The following HMGA2 variants were observed in gnomAD, a reference collection of about 807,000 sequenced individuals.
HMGA2 encodes high mobility group protein HMGI-C.
Under a neutral mutation model 19.1 loss-of-function variants are expected in HMGA2, and 8 were observed. The ratio of observed to expected loss-of-function variants is 0.42; its 90% CI spans 0.25 to 0.76. The LOEUF (loss-of-function observed/expected upper bound fraction) is 0.76, where lower values mean the gene tolerates loss of function less well. HMGA2 is among the 30% of genes least tolerant of loss of function. HMGA2 has a pLI of 0.28. For synonymous variants in HMGA2, 60 were observed against 48.8 expected (o/e 1.23, Z -0.96); for missense variants, 109 against 136.3 (o/e 0.80, Z 1.00).
At chr12:65,875,469 G>A (rs1019335714) in intron 3 of HMGA2, among the ~76,000 whole-genome samples, 1 of 151,992 alleles carries the variant, frequency 6.6e-6, no homozygotes, top group African/African-American at 2.4e-5. Flanking sequence ...TGTTGCCCAG[G>A]CTGGAGTGCA....
rs1873489702 is a variant in HMGA2 at position 65,882,864 on chromosome 12, C to CAT, written c.249+44295_249+44296insAT. 2.0e-5 allele frequency among the ~76,000 whole-genome samples: 3 copies of CAT among 152,124 alleles called. No individual in the cohort carries two copies. In the South Asian group the frequency reaches 6.2e-4, roughly 32 times the overall value. On this transcript the variant is annotated intron_variant, in intron 3 of 4. Coordinates refer to ENST00000403681, the MANE Select transcript of HMGA2 (RefSeq NM_003483.6). ...TAGGGAAATATTTTTTAAAACAAGG[C>CAT]TGCTTTTCACAAGGAGGGGTAGGCA... is the stretch of plus-strand genomic sequence containing the variant.
At chr12:65,908,064 T>C (rs1416487521) in intron 3 of HMGA2, among the ~76,000 whole-genome samples, 1 of 152,196 alleles carries the variant, frequency 6.6e-6, no homozygotes, top group African/African-American at 2.4e-5. Flanking sequence ...CCACACACTC[T>C]TTGTGGAGAA....
intron 3 of HMGA2, chr12:65,882,139 C>A: frequency 7.0e-6 from 3 of 427,648 alleles, no homozygotes; most frequent in African/African-American, 2.0e-5. Flanking sequence ...AATGACAGAG[C>A]TGGGCAGGCG....
chr12:65,964,955 A>G lies in HMGA2; in HGVS notation c.*1663A>G, dbSNP rs1876865387. 1 of 188,320 alleles carries G rather than the reference A, an allele frequency of 5.3e-6. No homozygotes were observed. Among genetic ancestry groups the G allele is most frequent in the Non-Finnish European group, 1.1e-5 (1 of 89,214 alleles). The allele number at this position is 188,320 out of a possible 1,614,324, so 11.7% of individuals were successfully genotyped here. A position where few individuals can be genotyped will look rare whatever the true frequency, so the allele number is the denominator to read the frequency against. On this transcript the variant is annotated 3_prime_UTR_variant, in exon 5 of 5. Transcript: ENST00000403681. The stretch of plus-strand genomic sequence containing the variant: ...AAGGAGATGGACTAATTGACTTGCA[A>G]AGACCTACCTCCAGACTTCAAAAGG...
chr12:65,852,982 A>C (rs1014019274), intron 3 of HMGA2, among the ~76,000 whole-genome samples: 4 of 152,176 alleles, frequency 2.6e-5, no homozygotes, highest in African/African-American at 7.2e-5. Flanking sequence ...AATGAGAAGG[A>C]AACTTTGGGA....
intron 3 of HMGA2, among the ~76,000 whole-genome samples, chr12:65,852,245 C>G (rs972355247): frequency 6.6e-6 from 1 of 152,188 alleles, no homozygotes; most frequent in Non-Finnish European, 1.5e-5. Context: ...GCCTACAATC[C>G]CAGCACCTGG....
At chr12:65,862,597 G>A (rs894047316) in intron 3 of HMGA2, among the ~76,000 whole-genome samples, 6 of 152,210 alleles carry the variant, frequency 3.9e-5, no homozygotes, top group Non-Finnish European at 7.3e-5. Flanking sequence ...TTAAAAAAGT[G>A]TTAAGCATCA....
intron 4 of HMGA2, chr12:65,953,301 TATGGGAC>T (rs1359985983): frequency 6.6e-6 from 1 of 152,188 alleles, no homozygotes; most frequent in African/African-American, 2.4e-5. Flanking sequence ...TGTCAATGTG[TATGGGAC>T]ACACGGGGGA....
At chr12:65,903,888 C>G (rs993494091) in intron 3 of HMGA2, among the ~76,000 whole-genome samples, 5 of 152,178 alleles carry the variant, frequency 3.3e-5, no homozygotes, top group Non-Finnish European at 5.9e-5. Flanking sequence ...GAAATAAGAC[C>G]CAACACTGGC....
At chr12:65,948,735 T>TC in intron 3 of HMGA2, among the ~76,000 whole-genome samples, 1 of 152,202 alleles carries the variant, frequency 6.6e-6, no homozygotes, top group Admixed American at 6.5e-5. Flanking sequence ...CTGGTAGAAG[T>TC]TCCGTGACAC....
At chr12:65,889,382 C>T (rs1380157181) in intron 3 of HMGA2, among the ~76,000 whole-genome samples, 2 of 152,166 alleles carry the variant, frequency 1.3e-5, no homozygotes, top group African/African-American at 4.8e-5. Context: ...ATCAGGAATG[C>T]TTAGATGTAG....
At chr12:65,849,930 G>A (rs886393964) in intron 3 of HMGA2, among the ~76,000 whole-genome samples, 2 of 152,038 alleles carry the variant, frequency 1.3e-5, no homozygotes, top group African/African-American at 4.8e-5. Flanking sequence ...TGTTGGCCAG[G>A]CTGGTCTCAA....
intron 2 of HMGA2, among the ~76,000 whole-genome samples, chr12:65,829,644 C>T (rs975445350): frequency 1.3e-5 from 2 of 151,976 alleles, no homozygotes; most frequent in African/African-American, 4.8e-5. Context: ...CTTTAAATTT[C>T]ACCATAAATA....
At chr12:65,843,579 T>C (rs777512957) in intron 3 of HMGA2, 3 of 176,916 alleles carry the variant, frequency 1.7e-5, no homozygotes, top group Non-Finnish European at 3.6e-5. Flanking sequence ...CATTAATGCA[T>C]TGAAGAACCC....
intron 3 of HMGA2, among the ~76,000 whole-genome samples, chr12:65,911,579 G>A (rs996290515): frequency 2.0e-5 from 3 of 152,088 alleles, no homozygotes; most frequent in Non-Finnish European, 4.4e-5. Context: ...GCTCTAAGTT[G>A]TCCATTCCTT....
At chr12:65,955,108 T>G (rs1308077538) in intron 4 of HMGA2, 1 of 152,076 alleles carries the variant, frequency 6.6e-6, no homozygotes, top group Admixed American at 6.6e-5. Context: ...TTGAACCTGG[T>G]TGGCGGGGGA....
chr12:65,828,316 C>G (rs2120827717), intron 2 of HMGA2: 1 of 343,638 alleles, frequency 2.9e-6, no homozygotes, highest in South Asian at 2.9e-5. Flanking sequence ...TTTAAACAAA[C>G]AGCCACCAAA....
chr12:65,836,132 G>C (rs1340681377), intron 2 of HMGA2, among the ~76,000 whole-genome samples: 1 of 152,064 alleles, frequency 6.6e-6, no homozygotes, highest in Non-Finnish European at 1.5e-5. Context: ...GGCAGAGGCG[G>C]GCGGATTACG....
rs1300019895 is a variant in HMGA2 at position 65,825,949 on chromosome 12, C to G, written c.111+568C>G. 1.3e-5 allele frequency: 2 copies of G among 152,052 alleles called. No individual in the cohort carries two copies. Among genetic ancestry groups the G allele is most frequent in the Non-Finnish European group, 2.9e-5 (2 of 68,006 alleles). The allele number at this position is 152,052 out of a possible 1,614,324, so 9.4% of individuals were successfully genotyped here. A position where few individuals can be genotyped will look rare whatever the true frequency, so the allele number is the denominator to read the frequency against. On this transcript the variant is annotated intron_variant, in intron 1 of 4. Coordinates refer to ENST00000403681, the MANE Select transcript of HMGA2 (RefSeq NM_003483.6). The surrounding 1 kb of genome is among the most constrained non-coding windows in gnomAD (Gnocchi z 4.4). Reference sequence around the variant, plus strand: ...CGGTGGCCCAAGACTCGCGCCCTCCCGACAAAGAACGCATGGAGACCCGGC... The same window carrying G: ...CGGTGGCCCAAGACTCGCGCCCTCCGGACAAAGAACGCATGGAGACCCGGC...
Sources: allele counts gnomAD v4.1 joint callset (sites outside exome capture counted in the v4.1 genomes callset), GRCh38; gene constraint gnomAD v4.1.1; non-coding constraint Gnocchi (gnomAD v3.1); transcripts MANE v1.5; gene names NCBI Gene and HGNC (gene_info 2026-07-23, HGNC 2026-07-21).